Variants in CACNA1C observed in about 807,000 individuals in gnomAD.
CACNA1C encodes the protein voltage-dependent L-type calcium channel subunit alpha-1C.
CACNA1C carries 30 observed loss-of-function variants against 229.0 expected under a neutral mutation model. The ratio of observed to expected loss-of-function variants is 0.13; its 90% CI spans 0.10 to 0.18. The LOEUF is 0.18. CACNA1C is among the 10% of genes least tolerant of loss of function. The pLI is 1.00. For synonymous variants in CACNA1C, 1,114 were observed against 1,132.5 expected (o/e 0.98, Z 0.33); for missense variants, 1,658 against 2,845.0 (o/e 0.58, Z 9.49).
chr12:1,977,963 A>G lies in CACNA1C; in HGVS notation c.139+6762A>G, dbSNP rs145473403. Among the ~76,000 whole-genome samples, 385 of 152,292 alleles carry G rather than the reference A, an allele frequency of 2.5e-3. 1 individual carries two copies. Among genetic ancestry groups the G allele is most frequent in the African/African-American group, 8.5e-3 (352 of 41,556 alleles). Reference sequence around the variant, plus strand: ...TATATTTTTAAACTGTATTGTTTTTATATGTTTCATTCTAGAGAAAGCACT... The same window carrying G: ...TATATTTTTAAACTGTATTGTTTTTGTATGTTTCATTCTAGAGAAAGCACT... On this transcript the variant is annotated intron_variant, in intron 1 of 46. Coordinates refer to the CACNA1C transcript ENST00000682462.
At chr12:2,058,503 A>T (rs1263424626) in intron 1 of CACNA1C, among the ~76,000 whole-genome samples, 1 of 152,198 alleles carries the variant, frequency 6.6e-6, no homozygotes, top group Non-Finnish European at 1.5e-5. Context: ...AATGTTGGGC[A>T]CTGTGGAGGA....
intron 1 of CACNA1C, chr12:1,993,440 T>C: frequency 6.3e-7 from 1 of 1,587,704 alleles, no homozygotes; most frequent in African/African-American, 1.4e-5. Context: ...AATTGCTTAG[T>C]ATGCTATATT....
chr12:2,171,888 G>C (rs1050925042), intron 3 of CACNA1C, among the ~76,000 whole-genome samples: 2 of 152,170 alleles, frequency 1.3e-5, no homozygotes, highest in African/African-American at 2.4e-5. Flanking sequence ...ACTCATGATA[G>C]GTCTGGGAGG....
rs2096023956 is a variant in CACNA1C, at chr12:2,665,336, C to A, written c.4399-245C>A. Among the ~76,000 whole-genome samples the A allele has an allele frequency of 6.6e-6, 1 of 152,180 alleles. No homozygotes were observed. Among genetic ancestry groups the A allele is most frequent in the African/African-American group, 2.4e-5 (1 of 41,432 alleles). ...AAAGTCCCCCTCTGTCCTGCACAGC[C>A]CTGCCCAGCAGCTCGGTAGGAGGGA... On this transcript the variant is annotated intron_variant, in intron 35 of 46. Coordinates refer to ENST00000399655, the MANE Select transcript of CACNA1C (RefSeq NM_000719.7). The surrounding 1 kb of genome is among the most constrained non-coding windows in gnomAD (Gnocchi z 5.9).
At chr12:2,239,006 A>C (rs185083537) in intron 3 of CACNA1C, among the ~76,000 whole-genome samples, 1 of 152,336 alleles carries the variant, frequency 6.6e-6, no homozygotes, top group Admixed American at 6.5e-5. Flanking sequence ...GAAGGTGGTT[A>C]AGAGGATTAC....
intron 4 of CACNA1C, 125 bp from the exon 5 acceptor site, chr12:2,457,442 C>A: frequency 1.0e-6 from 1 of 971,808 alleles, no homozygotes; most frequent in Non-Finnish European, 1.5e-6. Context: ...ACACCCACAA[C>A]GCCCGCCCCT....
At chr12:2,353,116 G>A (rs1370788948) in intron 3 of CACNA1C, among the ~76,000 whole-genome samples, 1 of 152,232 alleles carries the variant, frequency 6.6e-6, no homozygotes, top group Non-Finnish European at 1.5e-5. Flanking sequence ...CACCGAAGCA[G>A]GTCAGGTGGG....
At chr12:2,268,315 T>A (rs1309870972) in intron 3 of CACNA1C, among the ~76,000 whole-genome samples, 2 of 152,104 alleles carry the variant, frequency 1.3e-5, no homozygotes, top group African/African-American at 4.8e-5. Context: ...TCCAGCGAGA[T>A]CCAGGCTCGG....
chr12:2,668,139 GT>G (rs935296658), intron 37 of CACNA1C, among the ~76,000 whole-genome samples: 2 of 152,238 alleles, frequency 1.3e-5, no homozygotes, highest in African/African-American at 4.8e-5. Flanking sequence ...TCTCTGGGCT[GT>G]GGACGAATGC....
rs567358258 is a variant in CACNA1C at position 2,666,133 on chromosome 12, G to A, written c.4526+425G>A. 5.3e-5 allele frequency among the ~76,000 whole-genome samples: 8 copies of A among 152,244 alleles called. No individual in the cohort carries two copies. In the East Asian group the frequency reaches 1.2e-3, roughly 22 times the overall value. On this transcript the variant is annotated intron_variant, in intron 36 of 46. Coordinates refer to ENST00000399655, the MANE Select transcript of CACNA1C (RefSeq NM_000719.7). This position sits in a 1 kb window ranked among gnomAD's most constrained non-coding sequence, Gnocchi z 5.3. ...GAACCTGGGAGGTGGAGGTTGCAGCGAGCTGAGATCACACCACTGCACTCC... is the reference window on the plus strand; with the variant it reads ...GAACCTGGGAGGTGGAGGTTGCAGCAAGCTGAGATCACACCACTGCACTCC...
intron 13 of CACNA1C, 108 bp downstream of exon 13, chr12:2,567,902 A>G: frequency 1.6e-6 from 1 of 638,054 alleles, no homozygotes; most frequent in South Asian, 2.0e-5. Flanking sequence ...TCTTCCTCAA[A>G]GGGTGTCTCT....
At chr12:2,280,863 C>T (rs1353732263) in intron 3 of CACNA1C, among the ~76,000 whole-genome samples, 2 of 152,160 alleles carry the variant, frequency 1.3e-5, no homozygotes, top group African/African-American at 4.8e-5. Context: ...TTTGGATTAA[C>T]TGAGTATTTT....
chr12:2,092,032 C>T (rs925402709), intron 1 of CACNA1C, among the ~76,000 whole-genome samples: 2 of 152,164 alleles, frequency 1.3e-5, no homozygotes, highest in African/African-American at 4.8e-5. Flanking sequence ...TCTCATTTCT[C>T]ATGTGGTGTC....
intron 1 of CACNA1C, among the ~76,000 whole-genome samples, chr12:2,089,132 C>T (rs572254624): frequency 1.3e-5 from 2 of 152,134 alleles, no homozygotes; most frequent in South Asian, 2.1e-4. Flanking sequence ...TTCGTGCACA[C>T]GTGGAAGGGT....
At chr12:2,180,090 G>A (rs1320814007) in intron 3 of CACNA1C, among the ~76,000 whole-genome samples, 3 of 152,216 alleles carry the variant, frequency 2.0e-5, no homozygotes, top group East Asian at 1.9e-4. Context: ...TGGAGAGCAC[G>A]TCTTCTCGTT....
Position 2,017,246 on chromosome 12 carries a change from C to G in CACNA1C, c.139+46045C>G, listed in dbSNP as rs779994416. On this transcript the variant is annotated intron_variant, in intron 1 of 46. Coordinates refer to the CACNA1C transcript ENST00000682462. ...TCTGATGCTAGGTAGCAGCGGAAACCCTGGCACACGGGTGGAAAAAGAGTA... is the reference window on the plus strand; with the variant it reads ...TCTGATGCTAGGTAGCAGCGGAAACGCTGGCACACGGGTGGAAAAAGAGTA... 1.5e-3 allele frequency among the ~76,000 whole-genome samples: 230 copies of G among 152,220 alleles called. 2 individuals carry two copies. The highest frequency in any genetic ancestry group is 3.8e-4 in the Non-Finnish European group (26 of 68,028).
At chr12:2,424,674 A>G (rs779655581) in intron 3 of CACNA1C, among the ~76,000 whole-genome samples, 45 of 152,280 alleles carry the variant, frequency 3.0e-4, no homozygotes, top group Middle Eastern at 6.8e-3. Flanking sequence ...CAAGAGCTTC[A>G]GCAGCTCCAG....
intron 1 of CACNA1C, among the ~76,000 whole-genome samples, chr12:2,101,137 A>G (rs897870990): frequency 1.1e-4 from 17 of 152,140 alleles, no homozygotes; most frequent in Admixed American, 1.1e-3. Flanking sequence ...TGTAATTTTC[A>G]TGGCTTCCTA....
In CACNA1C at chr12:2,595,406, G is replaced by A. The variant is rs1352645945; in HGVS notation, c.2664-468G>A. Among the ~76,000 whole-genome samples, 5 of 152,096 alleles carry A rather than the reference G, an allele frequency of 3.3e-5. No homozygotes were observed. The highest frequency in any genetic ancestry group is 1.2e-4 in the African/African-American group (5 of 41,408). On this transcript the variant is annotated intron_variant, in intron 19 of 46. Transcript: ENST00000399655. This position sits in a 1 kb window ranked among gnomAD's most constrained non-coding sequence, Gnocchi z 4.1. ...GAAGCTCAGTTGGGTAATTGTGCTG[G>A]GGCATGGAAGTGAATTGCACATTTA...
Sources: allele counts gnomAD v4.1 joint callset (sites outside exome capture counted in the v4.1 genomes callset), GRCh38; gene constraint gnomAD v4.1.1; non-coding constraint Gnocchi (gnomAD v3.1); transcripts MANE v1.5; gene names NCBI Gene and HGNC (gene_info 2026-07-23, HGNC 2026-07-21).